VPS54: variants seen among roughly 807,000 people sequenced by gnomAD.
VPS54 encodes the protein VPS54 subunit of GARP complex.
Under a neutral mutation model 121.5 loss-of-function variants are expected in VPS54, and 45 were observed. The ratio of observed to expected loss-of-function variants is 0.37; its 90% CI spans 0.29 to 0.47. The LOEUF is 0.47. VPS54 is among the 20% of genes least tolerant of loss of function. VPS54 has a pLI of 0.99. For synonymous variants in VPS54, 371 were observed against 385.8 expected (o/e 0.96, Z 0.45); for missense variants, 1,090 against 1,131.4 (o/e 0.96, Z 0.52).
At chr2:63,901,479 A>G (rs1398522288) in intron 20 of VPS54, among the ~76,000 whole-genome samples, 1 of 152,236 alleles carries the variant, frequency 6.6e-6, no homozygotes, top group Non-Finnish European at 1.5e-5. Flanking sequence ...CACAAGTTTT[A>G]CTTCACGGCC....
At chr2:63,918,424 C>T (rs562070747) in intron 15 of VPS54, among the ~76,000 whole-genome samples, 5 of 151,960 alleles carry the variant, frequency 3.3e-5, no homozygotes, top group Non-Finnish European at 7.4e-5. Flanking sequence ...TTAAATATAG[C>T]TTGAAAGACT....
chr2:63,957,242 G>T (rs1025671092), intron 7 of VPS54, among the ~76,000 whole-genome samples: 4 of 151,744 alleles, frequency 2.6e-5, no homozygotes, highest in Admixed American at 6.6e-5. Context: ...GGAGATCGAG[G>T]CCATCCTGGC....
At chr2:64,002,838 T>C (rs527686352) in intron 1 of VPS54, among the ~76,000 whole-genome samples, 1 of 152,342 alleles carries the variant, frequency 6.6e-6, no homozygotes, top group Admixed American at 6.5e-5. Flanking sequence ...GGACTGCCTA[T>C]AAAGATGAGT....
intron 11 of VPS54, among the ~76,000 whole-genome samples, chr2:63,934,425 G>A (rs150992998): frequency 1.3e-3 from 200 of 152,024 alleles, no homozygotes; most frequent in Non-Finnish European, 2.4e-3. Flanking sequence ...TCCTTTTCTC[G>A]TATCTTCTCT....
At chr2:64,011,973 T>C (rs539890485) in intron 1 of VPS54, among the ~76,000 whole-genome samples, 1 of 152,302 alleles carries the variant, frequency 6.6e-6, no homozygotes, top group South Asian at 2.1e-4. Flanking sequence ...GTAAATAGTT[T>C]ACAAATAAAA....
At chr2:63,967,896 T>A (rs1395620197) in intron 5 of VPS54, among the ~76,000 whole-genome samples, 1 of 151,650 alleles carries the variant, frequency 6.6e-6, no homozygotes, top group African/African-American at 2.4e-5. Flanking sequence ...AGCAAAAGAT[T>A]ACAGAGAATT....
At chr2:64,009,847 CTTTT>C (rs11354356) in intron 1 of VPS54, among the ~76,000 whole-genome samples, 2 of 141,636 alleles carry the variant, frequency 1.4e-5, no homozygotes, top group Non-Finnish European at 3.1e-5. Context: ...ATAATTGACC[CTTTT>C]TTTTTTTTTT....
At chr2:64,002,518 T>C (rs1278367627) in intron 1 of VPS54, among the ~76,000 whole-genome samples, 22 of 152,232 alleles carry the variant, frequency 1.4e-4, no homozygotes. Flanking sequence ...TTGCTTAATG[T>C]CAGATAAATT....
rs1676918277 is a variant in VPS54 at position 63,983,885 on chromosome 2, C to T, written c.115G>A (p.Val39Met). The change falls in exon 2 of 23, where the codon GTG becomes ATG. Residue 39 changes from valine (V) to methionine (M), a missense_variant. Coordinates refer to ENST00000272322, the MANE Select transcript of VPS54 (RefSeq NM_016516.3). ...TTACCTGTGGGTTCCTTGGGACACA[C>T]ATCTGGCAGTGATGGCACAGGTCGA... is the stretch of plus-strand genomic sequence containing the variant. ...HIRPVPSLPD[V>M]CPKEPTGDSH... 1.2e-6 allele frequency: 2 copies of T among 1,609,378 alleles called. No individual in the cohort carries two copies. Among genetic ancestry groups the T allele is most frequent in the Non-Finnish European group, 1.7e-6 (2 of 1,177,810 alleles).
At chr2:63,965,036 G>C (rs1675928726) in intron 6 of VPS54, among the ~76,000 whole-genome samples, 2 of 152,130 alleles carry the variant, frequency 1.3e-5, no homozygotes, top group Non-Finnish European at 2.9e-5. Context: ...ACATGTAAAA[G>C]ACTAGGCTTT....
At position 63,892,950 on chromosome 2, in the gene VPS54, ATAAT is replaced by A. The variant is rs1290702146; in HGVS notation, c.*476_*479del. The A allele has an allele frequency of 6.6e-6, 1 of 151,018 alleles. No individual in the cohort carries two copies. Among genetic ancestry groups the A allele is most frequent in the Non-Finnish European group, 1.5e-5 (1 of 68,510 alleles). 9.4% of individuals were successfully genotyped at this position (151,018 alleles called of 1,614,324 possible). A position where few individuals can be genotyped will look rare whatever the true frequency, so the allele number is the denominator to read the frequency against. ...TTTTTATAGAAAGATCTGTAAAAAA[ATAAT>A]AATTTTTCAAACAGCTTTACTTTCA... On this transcript the variant is annotated 3_prime_UTR_variant, in exon 23 of 23. Coordinates refer to ENST00000272322, the MANE Select transcript of VPS54 (RefSeq NM_016516.3).
At chr2:63,901,974 C>T (rs994167697) in intron 20 of VPS54, among the ~76,000 whole-genome samples, 1 of 152,128 alleles carries the variant, frequency 6.6e-6, no homozygotes. Context: ...GAGATCACAC[C>T]ATTGCACTCC....
chr2:63,984,206 C>T (rs1676936151), intron 1 of VPS54, among the ~76,000 whole-genome samples, 187 bp from the exon 2 acceptor site: 1 of 152,094 alleles, frequency 6.6e-6, no homozygotes, highest in Non-Finnish European at 1.5e-5. Flanking sequence ...TTATTTGTCC[C>T]CATTTTTAAA....
chr2:63,894,693 C>A (rs1575874546), intron 22 of VPS54, among the ~76,000 whole-genome samples: 1 of 146,974 alleles, frequency 6.8e-6, no homozygotes. Context: ...ACCATGAGAC[C>A]CTGTCTCCAA....
At chr2:63,952,883 A>G (rs770319364) in intron 7 of VPS54, among the ~76,000 whole-genome samples, 84 of 152,290 alleles carry the variant, frequency 5.5e-4, no homozygotes, top group South Asian at 1.9e-3. Flanking sequence ...GAGCAAAAAT[A>G]CCAAAGAACA....
In VPS54 at chr2:63,962,388, C is replaced by T. The variant is rs143884930; in HGVS notation, c.680G>A (p.Arg227His). 8.7e-6 allele frequency: 14 copies of T among 1,613,606 alleles called. No individual in the cohort carries two copies. Among genetic ancestry groups the T allele is most frequent in the Non-Finnish European group, 1.1e-5 (13 of 1,179,806 alleles). ...EVNIAHQISLRSEAFFHAMTS... is the reference protein window; with the variant it reads ...EVNIAHQISLHSEAFFHAMTS... ...CATTGCATGAAAAAATGCTTCTGAA[C>T]GTAGAGAGATCTGGTGAGCAATGTT... Residue 227 changes from arginine to histidine, a missense_variant, in exon 7 of 23, where the codon CGT (arginine) becomes CAT (histidine). Physicochemically the swap from Arg to His is conservative, Grantham distance 29. Coordinates refer to ENST00000272322, the MANE Select transcript of VPS54 (RefSeq NM_016516.3).
chr2:64,008,524 G>C (rs1678274676), intron 1 of VPS54, among the ~76,000 whole-genome samples: 1 of 152,086 alleles, frequency 6.6e-6, no homozygotes, highest in Admixed American at 6.5e-5. Flanking sequence ...AAGTGAGAAA[G>C]AAAGAATATC....
intron 15 of VPS54, among the ~76,000 whole-genome samples, chr2:63,917,257 GGTT>G (rs1248194172): frequency 1.3e-5 from 2 of 151,890 alleles, no homozygotes; most frequent in Non-Finnish European, 2.9e-5. Context: ...TATCTTTCAG[GGTT>G]GTTGTTAATG....
intron 1 of VPS54, among the ~76,000 whole-genome samples, chr2:63,991,457 C>T (rs1247099106): frequency 6.6e-6 from 1 of 152,194 alleles, no homozygotes; most frequent in Non-Finnish European, 1.5e-5. Context: ...CAAAGCTATT[C>T]TGTGGGCACG....
Sources: gnomAD v4.1 joint callset for allele counts (sites outside exome capture counted in the v4.1 genomes callset) on GRCh38, gnomAD v4.1.1 for gene constraint, MANE v1.5 for transcripts, NCBI Gene and HGNC (gene_info 2026-07-23, HGNC 2026-07-21) for gene names.